ITGA9: variants seen among roughly 807,000 people sequenced by gnomAD.
ITGA9 encodes integrin alpha-9.
In ITGA9, 56 loss-of-function variants were observed where a neutral mutation model predicts 127.8. The observed-to-expected ratio is 0.44, with a 90% CI of 0.35 to 0.55. The LOEUF (loss-of-function observed/expected upper bound fraction) is 0.55. Among genes scored for constraint, ITGA9 ranks in the 20% least tolerant of loss-of-function variants. ITGA9 has a pLI of 0.00. For synonymous variants in ITGA9, 508 were observed against 514.5 expected (o/e 0.99, Z 0.17); for missense variants, 1,196 against 1,347.1 (o/e 0.89, Z 1.76).
intron 17 of ITGA9, among the ~76,000 whole-genome samples, chr3:37,666,432 G>A (rs944582392): frequency 3.3e-5 from 5 of 152,222 alleles, no homozygotes; most frequent in Admixed American, 6.5e-5. Context: ...TCTGTGGCCA[G>A]CTGTTGAGGC....
Position 37,657,624 on chromosome 3 carries a change from C to CA in ITGA9, c.1916+3845dup, listed in dbSNP as rs139406617. Among the ~76,000 whole-genome samples, 931 of 141,226 alleles carry CA rather than the reference C, an allele frequency of 6.6e-3. 5 individuals carry two copies. The highest frequency in any genetic ancestry group is 0.03 in the Middle Eastern group (8 of 266). The allele number at this position is 141,226 out of a possible 152,430, so 92.6% of individuals were successfully genotyped here. Reference sequence around the variant, plus strand: ...TAGTGGTCTCTTTTGTTGATCTTTTCAAAAAAAAAAACCAGCTCCTGGATT... The same window carrying CA: ...TAGTGGTCTCTTTTGTTGATCTTTTCAAAAAAAAAAAACCAGCTCCTGGATT... On this transcript the variant is annotated intron_variant, in intron 17 of 27. Transcript: ENST00000264741.
At chr3:37,752,645 C>T (rs1559588138) in intron 23 of ITGA9, among the ~76,000 whole-genome samples, 1 of 152,214 alleles carries the variant, frequency 6.6e-6, no homozygotes, top group Non-Finnish European at 1.5e-5. Flanking sequence ...CCTATGGGCC[C>T]TGGGCTGTCA....
chr3:37,751,995 T>C (rs1696591629), intron 23 of ITGA9, among the ~76,000 whole-genome samples: 1 of 152,266 alleles, frequency 6.6e-6, no homozygotes. Flanking sequence ...TGTGTTCTTA[T>C]AAACGATCAC....
chr3:37,520,714 G>A (rs1246133431), intron 11 of ITGA9, among the ~76,000 whole-genome samples: 1 of 152,168 alleles, frequency 6.6e-6, no homozygotes, highest in East Asian at 1.9e-4. Flanking sequence ...AGAGAGCTTT[G>A]GGCACAGTTT....
At chr3:37,693,263 G>T (rs1057229367) in intron 18 of ITGA9, among the ~76,000 whole-genome samples, 28 of 152,176 alleles carry the variant, frequency 1.8e-4, no homozygotes, top group African/African-American at 6.0e-4. Context: ...CCATGGGAGG[G>T]TATTGTGGGA....
chr3:37,499,495 T>C (rs765307274), intron 5 of ITGA9, among the ~76,000 whole-genome samples: 14 of 152,226 alleles, frequency 9.2e-5, no homozygotes, highest in South Asian at 6.2e-4. Context: ...TGGCCTTTGC[T>C]TAGAGAAGCT....
intron 26 of ITGA9, among the ~76,000 whole-genome samples, chr3:37,789,768 CAAAAAAAA>C (rs71635850): frequency 2.8e-5 from 1 of 35,690 alleles, no homozygotes; most frequent in East Asian, 1.1e-3. Context: ...GACTCCGTCT[CAAAAAAAA>C]AAAAAAAAAA....
At chr3:37,779,791 G>A (rs1696953580) in intron 24 of ITGA9, 111 bp from the exon 25 acceptor site, 2 of 1,008,664 alleles carry the variant, frequency 2.0e-6, no homozygotes, top group Admixed American at 1.8e-5. Context: ...GATTTCCTCT[G>A]CCTGGAATTG....
intron 15 of ITGA9, among the ~76,000 whole-genome samples, chr3:37,604,133 A>G (rs972769654): frequency 6.6e-6 from 1 of 152,206 alleles, no homozygotes; most frequent in African/African-American, 2.4e-5. Context: ...GCTCCTCATC[A>G]CACTGCACAG....
At chr3:37,585,289 A>G (rs904590747) in intron 15 of ITGA9, among the ~76,000 whole-genome samples, 4 of 152,146 alleles carry the variant, frequency 2.6e-5, no homozygotes, top group African/African-American at 9.7e-5. Flanking sequence ...CAATAAGTGC[A>G]TGGTTGATTA....
intron 27 of ITGA9, among the ~76,000 whole-genome samples, chr3:37,812,656 C>G (rs1020633262): frequency 6.6e-6 from 1 of 152,232 alleles, no homozygotes; most frequent in South Asian, 2.1e-4. Context: ...GCTGCAGGAC[C>G]AGCAGACACA....
At chr3:37,502,503 C>T (rs1470304031) in intron 5 of ITGA9, among the ~76,000 whole-genome samples, 1 of 152,240 alleles carries the variant, frequency 6.6e-6, no homozygotes, top group Non-Finnish European at 1.5e-5. Context: ...GCATGAGCCA[C>T]TGCGCCCGGC....
At position 37,748,604 on chromosome 3, in the gene ITGA9, G is replaced by A. The variant is rs998430905; in HGVS notation, c.2434-1858G>A. Reference sequence around the variant, plus strand: ...CTCTACTAAAATACAAAAATTAGCCGGGGATGGTGGCAGCCACCTGTAATC... The same window carrying A: ...CTCTACTAAAATACAAAAATTAGCCAGGGATGGTGGCAGCCACCTGTAATC... On this transcript the variant is annotated intron_variant, in intron 22 of 27. Transcript: ENST00000264741. 74 of 486,552 alleles carry A rather than the reference G, an allele frequency of 1.5e-4. No homozygotes were observed. The South Asian group carries it at 1.5e-3, about 10-fold the overall frequency. The allele number at this position is 486,552 out of a possible 1,614,324, so 30.1% of individuals were successfully genotyped here.
At chr3:37,624,671 G>A (rs1235252650) in intron 15 of ITGA9, among the ~76,000 whole-genome samples, 3 of 152,134 alleles carry the variant, frequency 2.0e-5, no homozygotes, top group Non-Finnish European at 4.4e-5. Flanking sequence ...GCAGTAGTGT[G>A]ATTGCAGCTC....
intron 15 of ITGA9, among the ~76,000 whole-genome samples, chr3:37,584,370 A>G (rs777768699): frequency 4.6e-5 from 7 of 152,282 alleles, no homozygotes; most frequent in Middle Eastern, 3.4e-3. Context: ...GGCCCAATCC[A>G]TCAGTAGAGT....
At chr3:37,781,750 G>A (rs1201080261) in intron 25 of ITGA9, among the ~76,000 whole-genome samples, 1 of 152,176 alleles carries the variant, frequency 6.6e-6, no homozygotes, top group Non-Finnish European at 1.5e-5. Flanking sequence ...ACCTATCCAC[G>A]TGTGAATGAA....
intron 15 of ITGA9, among the ~76,000 whole-genome samples, chr3:37,615,627 G>A (rs1259296023): frequency 6.6e-6 from 1 of 152,106 alleles, no homozygotes; most frequent in Non-Finnish European, 1.5e-5. Context: ...GCTATTAATT[G>A]TTGCCTCAAT....
At chr3:37,600,610 C>G (rs1387109019) in intron 15 of ITGA9, among the ~76,000 whole-genome samples, 2 of 152,198 alleles carry the variant, frequency 1.3e-5, no homozygotes, top group African/African-American at 4.8e-5. Flanking sequence ...AGATATGACA[C>G]TGTCACCTCC....
At chr3:37,761,445 G>A (rs1696722172) in intron 23 of ITGA9, among the ~76,000 whole-genome samples, 1 of 152,148 alleles carries the variant, frequency 6.6e-6, no homozygotes, top group African/African-American at 2.4e-5. Context: ...TTCTATTTTG[G>A]TGAAGCAGAA....
Sources: gnomAD v4.1 joint callset for allele counts (sites outside exome capture counted in the v4.1 genomes callset) on GRCh38, gnomAD v4.1.1 for gene constraint, MANE v1.5 for transcripts, NCBI Gene and HGNC (gene_info 2026-07-23, HGNC 2026-07-21) for gene names.